ZNF607: variants seen among roughly 807,000 people sequenced by gnomAD.
ZNF607 encodes zinc finger protein 607.
In ZNF607, 5 loss-of-function variants were observed where a neutral mutation model predicts 12.8. The observed-to-expected ratio is 0.39, with a 90% confidence interval of 0.20 to 0.82. The LOEUF is 0.82. Ranked by LOEUF, ZNF607 falls within the 40% of genes least tolerant of loss-of-function variation. The pLI, the probability that ZNF607 is intolerant of heterozygous loss-of-function variation, is 0.39. For synonymous variants in ZNF607, 287 were observed against 276.2 expected (o/e 1.04, Z -0.39); for missense variants, 851 against 859.2 (o/e 0.99, Z 0.12).
Position 37,698,912 on chromosome 19 carries a change from A to G in ZNF607, c.1219T>C (p.Ser407Pro). 2 of 1,613,864 alleles carry G rather than the reference A, an allele frequency of 1.2e-6. No individual in the cohort carries two copies. The highest frequency in any genetic ancestry group is 1.1e-5 in the South Asian group (1 of 91,058). Reference protein sequence around the residue: ...KCGKSFRLNSSLKIHQNIHTG... With the variant: ...KCGKSFRLNSPLKIHQNIHTG... ...TGAATATTTTGATGTATTTTAAGGG[A>G]TGAATTGAGCCTAAAGGACTTCCCA... Residue 407 changes from serine to proline, a missense_variant, in exon 5 of 5, where the codon TCC becomes CCC. Transcript: ENST00000355202.
At chr19:37,700,736 G>C (rs1274525022) in intron 4 of ZNF607, among the ~76,000 whole-genome samples, 1 of 152,070 alleles carries the variant, frequency 6.6e-6, no homozygotes, top group Non-Finnish European at 1.5e-5. Context: ...GTACAGGAAA[G>C]CAGGAAAATA....
At chr19:37,707,348 G>A (rs2045093269) in intron 4 of ZNF607, among the ~76,000 whole-genome samples, 1 of 152,048 alleles carries the variant, frequency 6.6e-6, no homozygotes, top group Admixed American at 6.6e-5. Context: ...AAAATTAGCT[G>A]GGTGTGGTGG....
chr19:37,706,341 G>C (rs961370067), intron 4 of ZNF607: 1 of 152,394 alleles, frequency 6.6e-6, no homozygotes, highest in Non-Finnish European at 1.5e-5. Context: ...AGAAATAGCT[G>C]GACATGATGT....
intron 4 of ZNF607, among the ~76,000 whole-genome samples, chr19:37,707,608 G>GA (rs1177602831): frequency 2.0e-5 from 3 of 150,774 alleles, no homozygotes; most frequent in African/African-American, 4.9e-5. Flanking sequence ...CATCTCTAAA[G>GA]AAAAAAAAAT....
chr19:37,699,007 CT>C lies in ZNF607; in HGVS notation c.1123del (p.Ser375ValfsTer150), dbSNP rs777706060. 6.2e-7 allele frequency: 1 copy of C among 1,613,974 alleles called. No individual in the cohort carries two copies. Among genetic ancestry groups the C allele is most frequent in the South Asian group, 1.1e-5 (1 of 91,072 alleles). On this transcript the variant is annotated frameshift_variant, in exon 5 of 5. Transcript: ENST00000355202. LOFTEE classifies it low-confidence loss of function (END_TRUNC). ...YKCEECGKAF[S>X]VHGRLTRHQG... ...ATGTCGAGTAAGTCGTCCATGCACA[CT>C]AAAGGCTTTCCCACATTCCTCACAC...
intron 1 of ZNF607, 69 bp from the exon 2 acceptor site, chr19:37,711,761 C>A: frequency 1.4e-6 from 1 of 694,094 alleles, no homozygotes; most frequent in Non-Finnish European, 2.5e-6. Context: ...GGTAATAGTA[C>A]TGTTTTCCTC....
rs1353195059 is a variant in ZNF607 at position 37,698,527 on chromosome 19, C to T, written c.1604G>A (p.Cys535Tyr). 1 of 1,611,948 alleles carries T rather than the reference C, an allele frequency of 6.2e-7. No individual in the cohort carries two copies. The highest frequency in any genetic ancestry group is 2.2e-5 in the East Asian group (1 of 44,838). The change falls in exon 5 of 5, where the codon TGC (cysteine) becomes TAC (tyrosine). Residue 535 changes from cysteine to tyrosine, a missense_variant. Cys to Tyr is a radical substitution (Grantham distance 194). Transcript: ENST00000355202. ...SIHSGKKPFE[C>Y]NKCGKSFRFI... is the part of the protein sequence containing the mutation. ...CCTAAAAGACTTCCCGCATTTGTTGCATTCAAAGGGTTTCTTACCACTGTG... is the reference window on the plus strand; with the variant it reads ...CCTAAAAGACTTCCCGCATTTGTTGTATTCAAAGGGTTTCTTACCACTGTG...
At position 37,697,227 on chromosome 19, in the gene ZNF607, G is replaced by A. The variant is rs2044983697; in HGVS notation, c.*813C>T. ...AAAGATAATTGGTTTTTGTACACAT[G>A]GGATGAGAAAGTGAGTCCCTTCCCC... On this transcript the variant is annotated 3_prime_UTR_variant, in exon 5 of 5. Transcript: ENST00000355202. 1 of 744,836 alleles carries A rather than the reference G, an allele frequency of 1.3e-6. No homozygotes were observed. The highest frequency in any genetic ancestry group is 1.7e-5 in the African/African-American group (1 of 58,392). 46.1% of individuals were successfully genotyped at this position (744,836 alleles called of 1,614,324 possible).
chr19:37,707,235 T>G (rs2045092153), intron 4 of ZNF607, among the ~76,000 whole-genome samples: 1 of 152,182 alleles, frequency 6.6e-6, no homozygotes, highest in Non-Finnish European at 1.5e-5. Flanking sequence ...CTCACACTTG[T>G]AATCTTGGCA....
At chr19:37,717,806 C>CAAAA (rs57152044) in intron 1 of ZNF607, among the ~76,000 whole-genome samples, 226 of 66,598 alleles carry the variant, frequency 3.4e-3, no homozygotes, top group East Asian at 5.3e-3. Flanking sequence ...AACTCAGTCT[C>CAAAA]AAAAAAAAAA....
chr19:37,718,246 C>G (rs2045194748), intron 1 of ZNF607, among the ~76,000 whole-genome samples: 1 of 152,138 alleles, frequency 6.6e-6, no homozygotes, highest in Non-Finnish European at 1.5e-5. Context: ...TTTTGGAAAA[C>G]TTAAATTCTG....
At chr19:37,707,491 C>T (rs1381937453) in intron 4 of ZNF607, among the ~76,000 whole-genome samples, 1 of 152,066 alleles carries the variant, frequency 6.6e-6, no homozygotes, top group Non-Finnish European at 1.5e-5. Flanking sequence ...AATTCTGGGC[C>T]AGGCACGGTG....
Position 37,696,451 on chromosome 19 carries a change from T to C in ZNF607, c.*1589A>G, listed in dbSNP as rs951904809. ...CATAATTTTTTCATGTACTAACTCATGTAATTCTTTGTTTTTTAGAGATCT... is the reference window on the plus strand; with the variant it reads ...CATAATTTTTTCATGTACTAACTCACGTAATTCTTTGTTTTTTAGAGATCT... On this transcript the variant is annotated 3_prime_UTR_variant, in exon 5 of 5. Coordinates refer to ENST00000355202, the MANE Select transcript of ZNF607 (RefSeq NM_032689.5). The C allele has an allele frequency of 2.4e-5, 7 of 296,896 alleles. No homozygotes were observed. Among genetic ancestry groups the C allele is most frequent in the South Asian group, 2.0e-4 (5 of 24,690 alleles). The allele number at this position is 296,896 out of a possible 1,614,324, so 18.4% of individuals were successfully genotyped here.
At chr19:37,707,470 GGAT>G (rs947700980) in intron 4 of ZNF607, among the ~76,000 whole-genome samples, 3 of 152,008 alleles carry the variant, frequency 2.0e-5, no homozygotes, top group African/African-American at 7.2e-5. Flanking sequence ...TTGGGCAGGG[GGAT>G]ATAGAACAAT....
At chr19:37,705,850 TTC>T (rs748889186) in intron 4 of ZNF607, among the ~76,000 whole-genome samples, 15 of 152,036 alleles carry the variant, frequency 9.9e-5, no homozygotes, top group Non-Finnish European at 1.8e-4. Flanking sequence ...TTCTCTCTCT[TTC>T]TCTCTCTTTT....
intron 3 of ZNF607, among the ~76,000 whole-genome samples, chr19:37,709,385 CTGACAA>C (rs763221528): frequency 2.0e-5 from 3 of 152,108 alleles, no homozygotes; most frequent in Non-Finnish European, 4.4e-5. Flanking sequence ...CCTGAACGCC[CTGACAA>C]TGGTTCTACA....
intron 2 of ZNF607, 136 bp downstream of exon 2, chr19:37,711,474 C>T: frequency 1.2e-6 from 1 of 868,556 alleles, no homozygotes; most frequent in African/African-American, 1.7e-5. Flanking sequence ...ACATATTTTA[C>T]TGGAAGAATG....
chr19:37,699,163 T>C lies in ZNF607; in HGVS notation c.968A>G (p.Gln323Arg). 6.2e-7 allele frequency: 1 copy of C among 1,614,186 alleles called. No individual in the cohort carries two copies. Among genetic ancestry groups the C allele is most frequent in the Non-Finnish European group, 8.5e-7 (1 of 1,180,008 alleles). ...ATAAATTCTCTGATGCATGGTAAGT[T>C]GATACCTACATGTAAAGCCCTTCCC... Reference protein sequence around the residue: ...ECGKGFTCRYQLTMHQRIYSG... With the variant: ...ECGKGFTCRYRLTMHQRIYSG... The change falls in exon 5 of 5, where the codon CAA becomes CGA. Residue 323 changes from glutamine to arginine, a missense_variant. Transcript: ENST00000355202.
In ZNF607 at chr19:37,699,740, C is replaced by T. The variant is rs1212866186; in HGVS notation, c.391G>A (p.Val131Ile). ...TCACTAGTATGAATTGTTTGATGTA[C>T]CATGAGTTCTGTAAGATGACTAAAG... ...KSFSHLTELM[V>I]HQTIHTSEEP... Residue 131 changes from valine (V) to isoleucine (I), a missense_variant, in exon 5 of 5, where the codon GTA (valine) becomes ATA (isoleucine). Physicochemically the swap from Val to Ile is conservative, Grantham distance 29. Transcript: ENST00000355202. The T allele has an allele frequency of 3.1e-6, 5 of 1,613,914 alleles. No individual in the cohort carries two copies. Among genetic ancestry groups the T allele is most frequent in the African/African-American group, 2.7e-5 (2 of 74,886 alleles).
Sources: allele counts gnomAD v4.1 joint callset (sites outside exome capture counted in the v4.1 genomes callset), GRCh38; gene constraint gnomAD v4.1.1; transcripts MANE v1.5; gene names NCBI Gene and HGNC (gene_info 2026-07-23, HGNC 2026-07-21).